Variants in MPRIP observed in about 807,000 individuals in gnomAD.
The protein encoded by MPRIP is myosin phosphatase Rho interacting protein.
Under a neutral mutation model 234.9 loss-of-function variants are expected in MPRIP, and 59 were observed. The ratio of observed to expected loss-of-function variants is 0.25; its 90% CI spans 0.20 to 0.31. The LOEUF (loss-of-function observed/expected upper bound fraction) is 0.31. Among genes scored for constraint, MPRIP ranks in the 10% least tolerant of loss-of-function variants. MPRIP has a pLI of 1.00. For missense variants in MPRIP, 2,436 were observed against 3,071.0 expected, an observed-to-expected ratio of 0.79 and a Z score of 4.89; for synonymous variants, 1,144 against 1,263.9, an observed-to-expected ratio of 0.91 and a Z score of 2.01.
Position 17,164,203 on chromosome 17 carries a change from A to G in MPRIP, c.2612A>G (p.Gln871Arg). The G allele has an allele frequency of 7.7e-7, 1 of 1,304,370 alleles. No individual in the cohort carries two copies. The highest frequency in any genetic ancestry group is 1.0e-6 in the Non-Finnish European group (1 of 989,002). 80.8% of individuals were successfully genotyped at this position (1,304,370 alleles called of 1,614,324 possible). Residue 871 changes from glutamine to arginine, a missense_variant, in exon 16 of 24, where the codon CAG becomes CGG. Around this residue, in one of 4 missense-constraint regions of MPRIP, gnomAD observed 1,998 missense variants for 2,520.3 expected, o/e 0.79. Transcript: ENST00000651222. ...QSELEAQCQR[Q>R]ELITHQIQTL... Reference sequence around the variant, plus strand: ...GAGCTTGAAGCCCAGTGCCAGCGCCAGGAGCTGATTACACACCAGATTCAG... The same window carrying G: ...GAGCTTGAAGCCCAGTGCCAGCGCCGGGAGCTGATTACACACCAGATTCAG...
intron 7 of MPRIP, among the ~76,000 whole-genome samples, chr17:17,140,016 A>T (rs7208973): frequency 1.3e-5 from 2 of 152,184 alleles, no homozygotes; most frequent in African/African-American, 2.4e-5. Context: ...GGCCTTAGCC[A>T]GGAAGTCCCT....
intron 1 of MPRIP, among the ~76,000 whole-genome samples, chr17:17,045,171 A>G (rs760932586): frequency 6.6e-6 from 1 of 152,166 alleles, no homozygotes; most frequent in African/African-American, 2.4e-5. Flanking sequence ...TGGAAGATAC[A>G]TCAGCCACCA....
intron 3 of MPRIP, among the ~76,000 whole-genome samples, chr17:17,106,301 T>C (rs977903234): frequency 3.9e-5 from 6 of 152,212 alleles, no homozygotes; most frequent in African/African-American, 1.2e-4. Context: ...GTCTGTGTCT[T>C]GGTGTTTCTG....
At chr17:17,046,665 A>G (rs886281333) in intron 1 of MPRIP, among the ~76,000 whole-genome samples, 2 of 152,112 alleles carry the variant, frequency 1.3e-5, no homozygotes, top group African/African-American at 4.8e-5. Flanking sequence ...CTGTAAGGTT[A>G]GTTTTTCCCC....
intron 3 of MPRIP, among the ~76,000 whole-genome samples, chr17:17,126,216 G>A (rs765199265): frequency 3.9e-5 from 6 of 152,186 alleles, no homozygotes; most frequent in Non-Finnish European, 7.3e-5. Context: ...CCAGGCTGCC[G>A]GGCGTGCTCC....
At chr17:17,156,429 T>G (rs893629638) in intron 13 of MPRIP, among the ~76,000 whole-genome samples, 2 of 152,280 alleles carry the variant, frequency 1.3e-5, no homozygotes, top group African/African-American at 4.8e-5. Flanking sequence ...TCAGCATTTA[T>G]TCTTCCTCTG....
In MPRIP at chr17:17,158,826, A is replaced by T. The variant is rs756293339; in HGVS notation, c.2224A>T (p.Met742Leu). ...GGTGGACCGGAGCCCAGGGCTGCCT[A>T]TGAGCGACCTCAAAACGCATAACGT... ...MEVDRSPGLPMSDLKTHNVHV... is the reference protein window; with the variant it reads ...MEVDRSPGLPLSDLKTHNVHV... Residue 742 changes from methionine (M) to leucine (L), a missense_variant, in exon 14 of 24, where the codon ATG becomes TTG. Met to Leu is a conservative substitution (Grantham distance 15). Around this residue, in one of 4 missense-constraint regions of MPRIP, gnomAD observed 1,998 missense variants for 2,520.3 expected, o/e 0.79. Coordinates refer to ENST00000651222, the MANE Select transcript of MPRIP (RefSeq NM_001364716.4). 1 of 1,611,680 alleles carries T rather than the reference A, an allele frequency of 6.2e-7. No homozygotes were observed. Among genetic ancestry groups the T allele is most frequent in the Non-Finnish European group, 8.5e-7 (1 of 1,179,942 alleles).
At chr17:17,117,837 A>G (rs963776749) in intron 3 of MPRIP, among the ~76,000 whole-genome samples, 1 of 152,242 alleles carries the variant, frequency 6.6e-6, no homozygotes, top group Non-Finnish European at 1.5e-5. Context: ...TATATTTACT[A>G]CCATTTTACA....
intron 3 of MPRIP, among the ~76,000 whole-genome samples, chr17:17,104,897 A>C (rs905705305): frequency 1.3e-5 from 2 of 152,186 alleles, no homozygotes; most frequent in Middle Eastern, 3.4e-3. Flanking sequence ...CAGTGTGGGC[A>C]CTTGTTCAGG....
Position 17,180,031 on chromosome 17 carries a change from C to T in MPRIP, c.7149C>T (p.Asp2383=), listed in dbSNP as rs556347903. The change falls in exon 23 of 24, where the codon GAC becomes GAT. Residue 2383 remains aspartate, a synonymous_variant. Coordinates refer to ENST00000651222, the MANE Select transcript of MPRIP (RefSeq NM_001364716.4). ...TAATGAAATCTAAAAGCAACCCTGA[C>T]TTCTTGAAGAAAGACAGATCCTGTG... ...YDIMKSKSNP[D]FLKKDRSCVT... 252 of 1,596,270 alleles carry T rather than the reference C, an allele frequency of 1.6e-4. No homozygotes were observed. The highest frequency in any genetic ancestry group is 5.2e-4 in the South Asian group (45 of 87,206).
At chr17:17,073,231 C>T (rs1196596417) in intron 1 of MPRIP, among the ~76,000 whole-genome samples, 1 of 152,104 alleles carries the variant, frequency 6.6e-6, no homozygotes, top group East Asian at 1.9e-4. Flanking sequence ...GCTCTCTGCT[C>T]TGTGTCTGCG....
chr17:17,150,578 A>G (rs1481428170), intron 12 of MPRIP, among the ~76,000 whole-genome samples: 6 of 151,768 alleles, frequency 4.0e-5, no homozygotes, highest in Non-Finnish European at 7.4e-5. Flanking sequence ...GTGTTAGTCA[A>G]TTATTTACAT....
chr17:17,131,133 C>T (rs2090588434), intron 4 of MPRIP, among the ~76,000 whole-genome samples: 1 of 152,208 alleles, frequency 6.6e-6, no homozygotes, highest in African/African-American at 2.4e-5. Flanking sequence ...CCAGCACCCT[C>T]CCTCTGCAGG....
intron 17 of MPRIP, among the ~76,000 whole-genome samples, chr17:17,172,242 G>A (rs547461978): frequency 2.6e-5 from 4 of 152,362 alleles, no homozygotes; most frequent in Non-Finnish European, 5.9e-5. Context: ...TGCCGTCAGC[G>A]TGAAGATATG....
intron 12 of MPRIP, among the ~76,000 whole-genome samples, chr17:17,153,198 T>G (rs562780194): frequency 2.6e-5 from 4 of 152,190 alleles, no homozygotes; most frequent in African/African-American, 9.6e-5. Flanking sequence ...GAGGGGCAGG[T>G]CAGGTCCCTC....
intron 3 of MPRIP, among the ~76,000 whole-genome samples, chr17:17,100,946 C>G (rs938039447): frequency 6.6e-6 from 1 of 152,168 alleles, no homozygotes; most frequent in Non-Finnish European, 1.5e-5. Context: ...TTTGCAATCT[C>G]ACTAAACCTA....
At position 17,169,910 on chromosome 17, in the gene MPRIP, T is replaced by C. The variant is rs1039981757; in HGVS notation, c.6325-1808T>C. 1.9e-4 allele frequency among the ~76,000 whole-genome samples: 29 copies of C among 152,336 alleles called. 1 individual carries two copies. Among genetic ancestry groups the C allele is most frequent in the East Asian group, 9.6e-4 (5 of 5,190 alleles). The stretch of plus-strand genomic sequence containing the variant: ...GCAAGATCAATTATTTTTTAGCATA[T>C]AGTTTCTCTCCAAAGAAGCAACTAG... On this transcript the variant is annotated intron_variant, in intron 16 of 23. Transcript: ENST00000651222.
chr17:17,063,449 C>T (rs2088926486), intron 1 of MPRIP, among the ~76,000 whole-genome samples: 1 of 152,004 alleles, frequency 6.6e-6, no homozygotes, highest in Non-Finnish European at 1.5e-5. Flanking sequence ...GTGTATGAGA[C>T]AGTGAATCTC....
chr17:17,057,505 G>A (rs912250897), intron 1 of MPRIP: 1 of 685,464 alleles, frequency 1.5e-6, no homozygotes, highest in Admixed American at 2.1e-5. Context: ...CTAGGTGCTG[G>A]GAGCTGCTGG....
Sources: allele counts gnomAD v4.1 joint callset (sites outside exome capture counted in the v4.1 genomes callset), GRCh38; gene constraint gnomAD v4.1.1; regional missense constraint gnomAD v4.1.1; transcripts MANE v1.5; gene names NCBI Gene and HGNC (gene_info 2026-07-23, HGNC 2026-07-21).